The following ANK1 variants were observed in gnomAD, a reference collection of about 807,000 sequenced individuals.
ANK1 encodes the protein ankyrin 1.
Under a neutral mutation model 210.4 loss-of-function variants are expected in ANK1, and 51 were observed. That is an observed-to-expected ratio of 0.24 (90% CI 0.19 to 0.31). The LOEUF (loss-of-function observed/expected upper bound fraction) is 0.31. Ranked by LOEUF, ANK1 falls within the 10% of genes least tolerant of loss-of-function variation. ANK1 has a pLI of 1.00. For synonymous variants in ANK1, 967 were observed against 1,025.9 expected (o/e 0.94, Z 1.10); for missense variants, 2,051 against 2,504.4 (o/e 0.82, Z 3.86).
At chr8:41,663,813 G>A (rs868139496) in intron 39 of ANK1, 71 bp from the exon 40 acceptor site, 6 of 1,249,340 alleles carry the variant, frequency 4.8e-6, no homozygotes, top group Admixed American at 1.7e-5. Context: ...GGAGGACGAG[G>A]AAATGAAACA....
chr8:41,655,462 C>T lies in ANK1; in HGVS notation c.*328G>A, dbSNP rs1259040314. Reference sequence around the variant, plus strand: ...AAGCCCTCATTCACTTTTGCGTTCGCAGGCTCTCCTGCGCTTGTTTTCTAT... The same window carrying T: ...AAGCCCTCATTCACTTTTGCGTTCGTAGGCTCTCCTGCGCTTGTTTTCTAT... On this transcript the variant is annotated 3_prime_UTR_variant, in exon 43 of 43. Coordinates refer to ENST00000289734, the MANE Select transcript of ANK1 (RefSeq NM_000037.4). 8 of 439,074 alleles carry T rather than the reference C, an allele frequency of 1.8e-5. No individual in the cohort carries two copies. In the Admixed American group the frequency reaches 2.6e-4, roughly 14 times the overall value. The allele number at this position is 439,074 out of a possible 1,614,324, so 27.2% of individuals were successfully genotyped here. A position where few individuals can be genotyped will look rare whatever the true frequency, so the allele number is the denominator to read the frequency against.
chr8:41,723,615 G>A lies in ANK1; in HGVS notation c.730C>T (p.His244Tyr). The stretch of plus-strand genomic sequence containing the variant: ...ACGTTGCCCCTGCGGGAGGCGATGT[G>A]CAGTGGCGTGATGCCGTTCTGAAGG... ...FTPQNGITPL[H>Y]IASRRGNVIM... Residue 244 changes from histidine (H) to tyrosine (Y), a missense_variant, in exon 8 of 43, where the codon CAC becomes TAC. Coordinates refer to ENST00000289734, the MANE Select transcript of ANK1 (RefSeq NM_000037.4). The A allele has an allele frequency of 3.7e-6, 6 of 1,613,500 alleles. No homozygotes were observed. The highest frequency in any genetic ancestry group is 5.1e-6 in the Non-Finnish European group (6 of 1,179,952).
chr8:41,746,889 C>A (rs2150694314), intron 2 of ANK1, among the ~76,000 whole-genome samples: 1 of 151,660 alleles, frequency 6.6e-6, no homozygotes, highest in Non-Finnish European at 1.5e-5. Context: ...AAAAAAGACC[C>A]AGACCTTTAG....
chr8:41,679,559 T>C (rs13277208), intron 37 of ANK1, among the ~76,000 whole-genome samples: 1 of 14,794 alleles, frequency 6.8e-5, no homozygotes, highest in African/African-American at 1.8e-4. Context: ...CTGGACTTTC[T>C]TTTTTTTTTT....
At chr8:41,707,191 C>T (rs1303645243) in intron 17 of ANK1, among the ~76,000 whole-genome samples, 2 of 152,230 alleles carry the variant, frequency 1.3e-5, no homozygotes, top group East Asian at 1.9e-4. Flanking sequence ...CAGGATTGAA[C>T]GGACCATATT....
At position 41,703,448 on chromosome 8, in the gene ANK1, ATATTT is replaced by A. The variant is rs1310114234; in HGVS notation, c.2295+588_2295+592del. ...TATATATATATATATATATATATATATATTTTTTTTTTTTTTTTAAGACACAAGGT... is the reference window on the plus strand; with the variant it reads ...TATATATATATATATATATATATATATTTTTTTTTTTTTAAGACACAAGGT... On this transcript the variant is annotated intron_variant, in intron 20 of 42. Transcript: ENST00000289734. Among the ~76,000 whole-genome samples the A allele has an allele frequency of 4.5e-3, 269 of 60,146 alleles. 5 individuals are homozygous for A. Among genetic ancestry groups the A allele is most frequent in the South Asian group, 0.033 (48 of 1,458 alleles). 39.5% of individuals were successfully genotyped at this position (60,146 alleles called of 152,430 possible).
intron 1 of ANK1, among the ~76,000 whole-genome samples, chr8:41,843,718 GA>G (rs1380020559): frequency 6.6e-6 from 1 of 152,230 alleles, no homozygotes; most frequent in African/African-American, 2.4e-5. Flanking sequence ...CTCTCTGCCA[GA>G]GAGCAGCTCT....
intron 1 of ANK1, among the ~76,000 whole-genome samples, chr8:41,840,510 C>T (rs1438444330): frequency 6.6e-6 from 1 of 152,168 alleles, no homozygotes; most frequent in Non-Finnish European, 1.5e-5. Context: ...CCTCACAGTT[C>T]AGGGGGATGG....
At chr8:41,700,388 C>T in intron 22 of ANK1, 2 of 1,597,988 alleles carry the variant, frequency 1.3e-6, no homozygotes, top group Non-Finnish European at 1.7e-6. Flanking sequence ...GTGAAATGCA[C>T]TCTAGTGAGA....
At chr8:41,703,450 A>ATTTTTTTTTTTTT (rs58196949) in intron 20 of ANK1, among the ~76,000 whole-genome samples, 4 of 58,814 alleles carry the variant, frequency 6.8e-5, no homozygotes, top group African/African-American at 3.6e-4. Context: ...ATATATATAT[A>ATTTTTTTTTTTTT]TTTTTTTTTT....
chr8:41,723,379 A>T, intron 8 of ANK1, among the ~76,000 whole-genome samples, 156 bp from the exon 9 acceptor site: 1 of 152,148 alleles, frequency 6.6e-6, no homozygotes, highest in Non-Finnish European at 1.5e-5. Context: ...ATTGCCTCCC[A>T]CTGCACGCGG....
intron 2 of ANK1, among the ~76,000 whole-genome samples, chr8:41,749,707 G>A (rs540116970): frequency 6.6e-6 from 1 of 152,080 alleles, no homozygotes; most frequent in African/African-American, 2.4e-5. Flanking sequence ...CCACCTCCCA[G>A]GTTCAAGTGA....
intron 37 of ANK1, among the ~76,000 whole-genome samples, chr8:41,674,589 GA>G (rs1813557720): frequency 6.6e-6 from 1 of 152,240 alleles, no homozygotes; most frequent in Non-Finnish European, 1.5e-5. Flanking sequence ...AGCTGGAACA[GA>G]AAGACCTCAG....
intron 23 of ANK1, among the ~76,000 whole-genome samples, 175 bp downstream of exon 23, chr8:41,699,277 T>A (rs1439242740): frequency 6.6e-6 from 1 of 152,276 alleles, no homozygotes; most frequent in South Asian, 2.1e-4. Context: ...GGCCTCCGCC[T>A]GCCCTAGTGG....
At chr8:41,708,998 G>C (rs967785896) in intron 16 of ANK1, 23 bp from the exon 17 acceptor site, 3 of 1,613,044 alleles carry the variant, frequency 1.9e-6, no homozygotes, top group African/African-American at 2.7e-5. Context: ...AAGCCGCCCA[G>C]AGCCTGGTTA....
intron 31 of ANK1, among the ~76,000 whole-genome samples, chr8:41,692,120 G>C (rs927958142): frequency 6.6e-6 from 1 of 151,416 alleles, no homozygotes; most frequent in African/African-American, 2.4e-5. Context: ...GCAACAGTGC[G>C]ATCTCGGCTC....
At chr8:41,840,498 T>G (rs141734915) in intron 1 of ANK1, among the ~76,000 whole-genome samples, 39 of 152,368 alleles carry the variant, frequency 2.6e-4, no homozygotes, top group African/African-American at 9.4e-4. Flanking sequence ...CAAACCTTTA[T>G]TCCTCACAGT....
chr8:41,694,149 G>C lies in ANK1; in HGVS notation c.3328-47C>G, dbSNP rs905978831. ...ACACTCAGGCCCAAGCAGGAGAGGGGCTAATCAGACGGGAGGCAGCTCCAT... is the reference window on the plus strand; with the variant it reads ...ACACTCAGGCCCAAGCAGGAGAGGGCCTAATCAGACGGGAGGCAGCTCCAT... On this transcript the variant is annotated intron_variant, in intron 28 of 42. Transcript: ENST00000289734. The surrounding 1 kb of genome is among the most constrained non-coding windows in gnomAD (Gnocchi z 5.7). The C allele has an allele frequency of 1.3e-5, 21 of 1,580,626 alleles. No individual in the cohort carries two copies. Among genetic ancestry groups the C allele is most frequent in the African/African-American group, 4.0e-5 (3 of 74,382 alleles).
At chr8:41,759,469 C>G (rs1195495134) in intron 1 of ANK1, among the ~76,000 whole-genome samples, 5 of 152,016 alleles carry the variant, frequency 3.3e-5, no homozygotes, top group Non-Finnish European at 5.9e-5. Context: ...TCGCACCACT[C>G]CACTCCAGCC....
Sources: gnomAD v4.1 joint callset for allele counts (sites outside exome capture counted in the v4.1 genomes callset) on GRCh38, gnomAD v4.1.1 for gene constraint, Gnocchi (gnomAD v3.1) non-coding constraint, MANE v1.5 for transcripts, NCBI Gene and HGNC (gene_info 2026-07-23, HGNC 2026-07-21) for gene names.